The following WNK3 variants were observed in gnomAD, a reference collection of about 807,000 sequenced individuals.
The protein encoded by WNK3 is WNK lysine deficient protein kinase 3.
Under a neutral mutation model 116.7 loss-of-function variants are expected in WNK3, and 18 were observed. The ratio of observed to expected loss-of-function variants is 0.15; its 90% confidence interval spans 0.11 to 0.23. The LOEUF (loss-of-function observed/expected upper bound fraction) is 0.23, where lower values mean the gene tolerates loss of function less well. Ranked by LOEUF, WNK3 falls within the 10% of genes least tolerant of loss-of-function variation. The pLI, the probability that WNK3 is intolerant of heterozygous loss-of-function variation, is 1.00. For synonymous variants in WNK3, 404 were observed against 469.4 expected (o/e 0.86, Z 1.80); for missense variants, 993 against 1,323.8 (o/e 0.75, Z 3.88).
intron 22 of WNK3, among the ~76,000 whole-genome samples, chrX:54,224,566 ACTT>A (rs2067809231): frequency 9.2e-6 from 1 of 108,989 alleles, no homozygotes; most frequent in Non-Finnish European, 1.9e-5. Flanking sequence ...ATGGTTGGAG[ACTT>A]CTTTTTTTTT....
chrX:54,258,716 C>T (rs781960753), intron 11 of WNK3, among the ~76,000 whole-genome samples: 196 of 104,872 alleles, frequency 1.9e-3, no homozygotes, highest in African/African-American at 6.5e-3. Flanking sequence ...GAAAAAAAAC[C>T]AAAATCTTAT....
At chrX:54,311,395 ATATT>A in intron 2 of WNK3, 104 bp from the exon 3 acceptor site, 2 of 594,321 alleles carry the variant, frequency 3.4e-6, no homozygotes, top group East Asian at 3.7e-5. Context: ...ATGGATGTGT[ATATT>A]TATTTATTTT....
At chrX:54,340,072 C>T (rs2069299656) in intron 1 of WNK3, among the ~76,000 whole-genome samples, 1 of 110,497 alleles carries the variant, frequency 9.1e-6, no homozygotes, top group Non-Finnish European at 1.9e-5. Context: ...ATCGCTTGAA[C>T]CTGGGAAGCA....
chrX:54,287,602 C>G (rs2068594577), intron 10 of WNK3, among the ~76,000 whole-genome samples: 1 of 111,838 alleles, frequency 8.9e-6, no homozygotes, highest in South Asian at 3.7e-4. Flanking sequence ...GACAACAAAC[C>G]TCAATGACAG....
chrX:54,214,960 C>G (rs2067666517), intron 22 of WNK3, among the ~76,000 whole-genome samples: 1 of 108,309 alleles, frequency 9.2e-6, no homozygotes, highest in African/African-American at 3.4e-5. Context: ...TTGCAGTGAG[C>G]CAAGATCACG....
intron 1 of WNK3, among the ~76,000 whole-genome samples, chrX:54,337,597 T>A (rs781839223): frequency 1.5e-4 from 16 of 105,180 alleles, no homozygotes; most frequent in African/African-American, 4.8e-4. Flanking sequence ...AATAAATAAA[T>A]AAAATATTTG....
At chrX:54,232,113 G>GTGTGTATA in intron 21 of WNK3, among the ~76,000 whole-genome samples, 1 of 95,095 alleles carries the variant, frequency 1.1e-5, no homozygotes, top group African/African-American at 4.0e-5. Context: ...GTGTGTGTGT[G>GTGTGTATA]TATATATATA....
At chrX:54,218,485 T>C (rs1480019907) in intron 22 of WNK3, among the ~76,000 whole-genome samples, 1 of 106,811 alleles carries the variant, frequency 9.4e-6, no homozygotes, top group African/African-American at 3.4e-5. Flanking sequence ...CATTAAGAGA[T>C]TTTAGTGGGA....
At chrX:54,349,895 T>G (rs1265340013) in intron 1 of WNK3, among the ~76,000 whole-genome samples, 1 of 110,717 alleles carries the variant, frequency 9.0e-6, no homozygotes, top group East Asian at 2.8e-4. Flanking sequence ...AATAAAAAAT[T>G]TAATTTAAAA....
At chrX:54,260,887 ATT>A (rs1341737424) in intron 10 of WNK3, among the ~76,000 whole-genome samples, 4 of 93,178 alleles carry the variant, frequency 4.3e-5, no homozygotes, top group Non-Finnish European at 6.5e-5. Flanking sequence ...ACACCCGGCT[ATT>A]TTTTTTTTTT....
At chrX:54,260,947 C>T (rs1335199376) in intron 10 of WNK3, among the ~76,000 whole-genome samples, 1 of 106,034 alleles carries the variant, frequency 9.4e-6, no homozygotes, top group African/African-American at 3.4e-5. Context: ...CCAGGCTGGT[C>T]TCGAACTCCT....
At position 54,248,976 on chromosome X, in the gene WNK3, C is replaced by T. The variant is rs372650770; in HGVS notation, c.3372G>A (p.Glu1124=). The T allele has an allele frequency of 3.3e-6, 4 of 1,210,099 alleles. No individual in the cohort carries two copies. The African/African-American group carries it at 7.0e-5, about 21-fold the overall frequency. ...CGGGATAGATGCTAGAGATGCTGTGCTCCTGATAGAGCAAGTTTCTTAATT... is the reference window on the plus strand; with the variant it reads ...CGGGATAGATGCTAGAGATGCTGTGTTCCTGATAGAGCAAGTTTCTTAATT... Residue 1124 remains glutamate (E), a synonymous_variant, in exon 17 of 24, where the codon GAG becomes GAA. Transcript: ENST00000354646.
intron 22 of WNK3, among the ~76,000 whole-genome samples, chrX:54,228,505 T>C (rs904257480): frequency 9.0e-6 from 1 of 110,792 alleles, no homozygotes; most frequent in Non-Finnish European, 1.9e-5. Context: ...GGGTTTGGGG[T>C]AGAGGAGCTA....
intron 2 of WNK3, among the ~76,000 whole-genome samples, chrX:54,317,792 C>T (rs1055054459): frequency 1.9e-5 from 2 of 108,047 alleles, no homozygotes; most frequent in Admixed American, 2.0e-4. Context: ...CCACCATGCC[C>T]GGCAAATTTT....
rs202092630 is a variant in WNK3, at chrX:54,229,367, C to CA, written c.4841-625dup. On this transcript the variant is annotated intron_variant, in intron 21 of 23. Coordinates refer to ENST00000354646, the Ensembl canonical transcript of WNK3. ...CTAAAATAAAAGTTAAAAAAAAAGA[C>CA]AAAAAAAAGGAGAGATAGCCTACGT... Among the ~76,000 whole-genome samples, 894 of 107,348 alleles carry CA rather than the reference C, an allele frequency of 8.3e-3. 13 individuals are homozygous for CA. The highest frequency in any genetic ancestry group is 0.029 in the African/African-American group (872 of 29,688). The allele number at this position is 107,348 out of a possible 115,157, so 93.2% of individuals were successfully genotyped here.
chrX:54,249,866 G>T, intron 16 of WNK3, 128 bp downstream of exon 16: 1 of 869,901 alleles, frequency 1.1e-6, no homozygotes, highest in Non-Finnish European at 1.6e-6. Context: ...TAATATTAAT[G>T]TCTTCAAAAA....
chrX:54,223,891 CT>C, intron 22 of WNK3: 1 of 137,074 alleles, frequency 7.3e-6, no homozygotes, highest in Non-Finnish European at 1.5e-5. Flanking sequence ...CCACTGTCGC[CT>C]TCACACAGAT....
intron 10 of WNK3, among the ~76,000 whole-genome samples, chrX:54,274,831 C>T (rs1365621679): frequency 9.1e-6 from 1 of 109,610 alleles, no homozygotes; most frequent in Non-Finnish European, 1.9e-5. Context: ...TATAGCAAGA[C>T]TCCATCTCTA....
chrX:54,209,636 C>T (rs1454217741), intron 22 of WNK3, among the ~76,000 whole-genome samples: 5 of 99,270 alleles, frequency 5.0e-5, no homozygotes, highest in Non-Finnish European at 1.0e-4. Context: ...CTGCAACCTC[C>T]GCCTCCTGGA....
Sources: allele counts gnomAD v4.1 joint callset (sites outside exome capture counted in the v4.1 genomes callset), GRCh38; gene constraint gnomAD v4.1.1; transcripts MANE v1.5; gene names NCBI Gene and HGNC (gene_info 2026-07-23, HGNC 2026-07-21).